Variants in KCTD8 observed in about 807,000 individuals in gnomAD.
KCTD8 encodes BTB/POZ domain-containing protein KCTD8.
In KCTD8, 27 loss-of-function variants were observed where a neutral mutation model predicts 31.5. The ratio of observed to expected loss-of-function variants is 0.86; its 90% CI spans 0.63 to 1.18. The LOEUF (loss-of-function observed/expected upper bound fraction) is 1.18. Among genes scored for constraint, KCTD8 ranks in the 50% most tolerant of loss-of-function variants. KCTD8 has a pLI of 0.00. For missense variants in KCTD8, 658 were observed against 647.7 expected (o/e 1.02, Z -0.17); for synonymous variants, 290 against 280.0 (o/e 1.04, Z -0.36).
intron 1 of KCTD8, among the ~76,000 whole-genome samples, chr4:44,411,936 G>A (rs1241039829): frequency 6.6e-6 from 1 of 152,046 alleles, no homozygotes; most frequent in Admixed American, 6.6e-5. Flanking sequence ...GAAGTGTGAT[G>A]CAATACATTT....
intron 1 of KCTD8, among the ~76,000 whole-genome samples, chr4:44,283,527 T>A (rs920402755): frequency 6.6e-6 from 1 of 152,136 alleles, no homozygotes; most frequent in Non-Finnish European, 1.5e-5. Context: ...AGAAGTCCTA[T>A]GGACCTTCTA....
At chr4:44,393,421 T>G (rs1720418835) in intron 1 of KCTD8, among the ~76,000 whole-genome samples, 1 of 151,516 alleles carries the variant, frequency 6.6e-6, no homozygotes, top group Admixed American at 6.6e-5. Flanking sequence ...TGGGTCTAAA[T>G]ATGGTTGATG....
At chr4:44,180,547 C>T (rs1337951245) in intron 1 of KCTD8, among the ~76,000 whole-genome samples, 1 of 151,922 alleles carries the variant, frequency 6.6e-6, no homozygotes, top group African/African-American at 2.4e-5. Flanking sequence ...GGTCATGCCT[C>T]TCCAATATTA....
At chr4:44,379,798 A>C (rs76521800) in intron 1 of KCTD8, among the ~76,000 whole-genome samples, 1,840 of 152,202 alleles carry the variant, frequency 0.012, 40 homozygotes, top group African/African-American at 0.041. Flanking sequence ...ATTTCAATCT[A>C]TCCTATTGTA....
At chr4:44,442,352 C>G (rs1350848014) in intron 1 of KCTD8, among the ~76,000 whole-genome samples, 2 of 151,972 alleles carry the variant, frequency 1.3e-5, no homozygotes, top group Non-Finnish European at 2.9e-5. Flanking sequence ...TTTGGGAGTC[C>G]TAGGCAGGTG....
At chr4:44,212,181 G>A (rs112876292) in intron 1 of KCTD8, among the ~76,000 whole-genome samples, 12 of 152,080 alleles carry the variant, frequency 7.9e-5, no homozygotes, top group African/African-American at 2.4e-4. Flanking sequence ...CTACACATGC[G>A]ATAAAATCAC....
rs111726359 is a variant in KCTD8 at position 44,297,757 on chromosome 4, A to G, written c.962-122507T>C. Among the ~76,000 whole-genome samples the G allele has an allele frequency of 7.8e-3, 1,194 of 152,280 alleles. 15 individuals carry two copies. The highest frequency in any genetic ancestry group is 0.027 in the African/African-American group (1,113 of 41,566). On this transcript the variant is annotated intron_variant, in intron 1 of 1. Transcript: ENST00000360029. Reference sequence around the variant, plus strand: ...GAATAGGTTTATCTTACATATGTAAAACATTAGAAATGTCTACTACTCCAC... The same window carrying G: ...GAATAGGTTTATCTTACATATGTAAGACATTAGAAATGTCTACTACTCCAC...
chr4:44,316,575 A>C (rs918056837), intron 1 of KCTD8, among the ~76,000 whole-genome samples: 1 of 152,038 alleles, frequency 6.6e-6, no homozygotes, highest in Non-Finnish European at 1.5e-5. Context: ...TTACTCCCTT[A>C]AATTGGAATA....
rs200297197 is a variant in KCTD8 at position 44,198,868 on chromosome 4, G to A, written c.962-23618C>T. The stretch of plus-strand genomic sequence containing the variant: ...TTTAAAAGGCATAAAGTGGCAAGCT[G>A]GATAAAAAGACAAGACCCAACAGTC... On this transcript the variant is annotated intron_variant, in intron 1 of 1. Coordinates refer to ENST00000360029, the MANE Select transcript of KCTD8 (RefSeq NM_198353.3). Among the ~76,000 whole-genome samples the A allele has an allele frequency of 4.6e-5, 7 of 152,086 alleles. No individual in the cohort carries two copies. The East Asian group carries it at 1.4e-3, about 29-fold the overall frequency.
At chr4:44,341,509 A>C (rs1718898487) in intron 1 of KCTD8, among the ~76,000 whole-genome samples, 1 of 152,236 alleles carries the variant, frequency 6.6e-6, no homozygotes, top group Admixed American at 6.5e-5. Context: ...AACTAAGTTT[A>C]TGGAATAGTC....
chr4:44,424,893 C>G (rs541235435), intron 1 of KCTD8, among the ~76,000 whole-genome samples: 1 of 152,090 alleles, frequency 6.6e-6, no homozygotes, highest in South Asian at 2.1e-4. Context: ...TCTTGAAGTT[C>G]TAATCCTCGG....
At position 44,322,841 on chromosome 4, in the gene KCTD8, G is replaced by C. The variant is rs1205349393; in HGVS notation, c.961+124722C>G. ...TTTTCTCAGCACTATTTATTGAAAA[G>C]TGTTCTTTTCTCAATGTATGTTATT... is the stretch of plus-strand genomic sequence containing the variant. On this transcript the variant is annotated intron_variant, in intron 1 of 1. Coordinates refer to ENST00000360029, the MANE Select transcript of KCTD8 (RefSeq NM_198353.3). Among the ~76,000 whole-genome samples, 3 of 152,066 alleles carry C rather than the reference G, an allele frequency of 2.0e-5. No individual in the cohort carries two copies. The East Asian group carries it at 5.8e-4, about 29-fold the overall frequency.
intron 1 of KCTD8, among the ~76,000 whole-genome samples, chr4:44,387,046 A>C (rs986346437): frequency 1.3e-5 from 2 of 151,906 alleles, no homozygotes; most frequent in East Asian, 3.9e-4. Context: ...ATAAAAAATC[A>C]GTGTGCAAAA....
chr4:44,414,802 C>G (rs1721035989), intron 1 of KCTD8, among the ~76,000 whole-genome samples: 1 of 152,142 alleles, frequency 6.6e-6, no homozygotes. Flanking sequence ...ACATAAGGAT[C>G]ACTCATACAT....
chr4:44,183,064 T>A (rs998964700), intron 1 of KCTD8, among the ~76,000 whole-genome samples: 33 of 152,224 alleles, frequency 2.2e-4, no homozygotes, highest in African/African-American at 7.0e-4. Flanking sequence ...ATTGGATAAT[T>A]GTAATGTTTC....
intron 1 of KCTD8, among the ~76,000 whole-genome samples, chr4:44,250,366 T>A (rs1715792092): frequency 6.6e-6 from 1 of 151,842 alleles, no homozygotes; most frequent in Non-Finnish European, 1.5e-5. Flanking sequence ...TTAATACTAA[T>A]TGCTTAGGTT....
chr4:44,191,932 T>G (rs988342816), intron 1 of KCTD8, among the ~76,000 whole-genome samples: 1 of 152,182 alleles, frequency 6.6e-6, no homozygotes, highest in East Asian at 1.9e-4. Flanking sequence ...TCCCTGTTCA[T>G]ACACCCCCTC....
chr4:44,303,791 G>A (rs562372420), intron 1 of KCTD8, among the ~76,000 whole-genome samples: 1 of 151,882 alleles, frequency 6.6e-6, no homozygotes, highest in Non-Finnish European at 1.5e-5. Context: ...CCAGCCTGGG[G>A]GACAGAGTGA....
chr4:44,242,850 C>A (rs1208892340), intron 1 of KCTD8, among the ~76,000 whole-genome samples: 1 of 152,010 alleles, frequency 6.6e-6, no homozygotes, highest in Non-Finnish European at 1.5e-5. Flanking sequence ...CCTGCTCTGG[C>A]CAAATGATGC....
Sources: allele counts gnomAD v4.1 joint callset (sites outside exome capture counted in the v4.1 genomes callset), GRCh38; gene constraint gnomAD v4.1.1; transcripts MANE v1.5; gene names NCBI Gene and HGNC (gene_info 2026-07-23, HGNC 2026-07-21).